The following DRD3 variants were observed in gnomAD, a reference collection of about 807,000 sequenced individuals.
The protein encoded by DRD3 is D(3) dopamine receptor.
In DRD3, 19 loss-of-function variants were observed where a neutral mutation model predicts 36.3. The ratio of observed to expected loss-of-function variants is 0.52; its 90% CI spans 0.36 to 0.77. The LOEUF is 0.77. Among genes scored for constraint, DRD3 ranks in the 30% least tolerant of loss-of-function variants. The pLI is 0.00. For missense variants in DRD3, 465 were observed against 505.3 expected, an observed-to-expected ratio of 0.92 and a Z score of 0.77; for synonymous variants, 195 against 203.7, an observed-to-expected ratio of 0.96 and a Z score of 0.36.
intron 2 of DRD3, among the ~76,000 whole-genome samples, chr3:114,163,228 A>G (rs2077750030): frequency 6.6e-6 from 1 of 152,020 alleles, no homozygotes; most frequent in Non-Finnish European, 1.5e-5. Context: ...CCTGGAGCTT[A>G]CTCATTAAAA....
intron 5 of DRD3, among the ~76,000 whole-genome samples, chr3:114,132,995 C>T (rs1577579167): frequency 1.4e-5 from 2 of 147,348 alleles, no homozygotes; most frequent in East Asian, 3.9e-4. Flanking sequence ...AGTCCGTATT[C>T]TTTTTTTTTT....
At chr3:114,139,028 C>T (rs2077499843) in intron 5 of DRD3, among the ~76,000 whole-genome samples, 1 of 152,200 alleles carries the variant, frequency 6.6e-6, no homozygotes, top group Admixed American at 6.5e-5. Flanking sequence ...GCTTTATCAG[C>T]ACCCTATCCC....
In DRD3 at chr3:114,143,405, C is replaced by T. The variant is rs143912592; in HGVS notation, c.527-3709G>A. Reference sequence around the variant, plus strand: ...CTCATTCTACAAATTTTGTGGAGTACGTACTATGTTTAAAGCACTGTGCTG... The same window carrying T: ...CTCATTCTACAAATTTTGTGGAGTATGTACTATGTTTAAAGCACTGTGCTG... On this transcript the variant is annotated intron_variant, in intron 4 of 6. Transcript: ENST00000383673. 1.3e-4 allele frequency among the ~76,000 whole-genome samples: 20 copies of T among 152,210 alleles called. No individual in the cohort carries two copies. The South Asian group carries it at 1.7e-3, about 13-fold the overall frequency.
At chr3:114,170,373 G>C (rs1420496410) in intron 2 of DRD3, among the ~76,000 whole-genome samples, 1 of 152,134 alleles carries the variant, frequency 6.6e-6, no homozygotes, top group African/African-American at 2.4e-5. Context: ...GTATGTTTAG[G>C]CTACAGGAGA....
chr3:114,169,779 C>G (rs2077822130), intron 2 of DRD3, among the ~76,000 whole-genome samples: 1 of 152,146 alleles, frequency 6.6e-6, no homozygotes, highest in South Asian at 2.1e-4. Flanking sequence ...CCATGGATTT[C>G]TAGTGTGGAA....
intron 5 of DRD3, 102 bp from the exon 6 acceptor site, chr3:114,131,502 C>T: frequency 2.2e-5 from 32 of 1,452,790 alleles, no homozygotes; most frequent in Non-Finnish European, 2.9e-5. Context: ...AAGACGGCAA[C>T]ACAGTTGTGG....
At chr3:114,168,355 A>G (rs1329554029) in intron 2 of DRD3, among the ~76,000 whole-genome samples, 2 of 152,322 alleles carry the variant, frequency 1.3e-5, no homozygotes, top group African/African-American at 4.8e-5. Context: ...GTGAATTCCA[A>G]TAAAGGAAAT....
At chr3:114,160,678 A>G (rs2077724512) in intron 2 of DRD3, among the ~76,000 whole-genome samples, 1 of 152,232 alleles carries the variant, frequency 6.6e-6, no homozygotes, top group Non-Finnish European at 1.5e-5. Context: ...ATTTACCTCC[A>G]AAGTAAAAAT....
At chr3:114,161,479 ATTTC>A (rs2077732461) in intron 2 of DRD3, among the ~76,000 whole-genome samples, 3 of 152,164 alleles carry the variant, frequency 2.0e-5, no homozygotes, top group Admixed American at 1.3e-4. Flanking sequence ...CATTGGATTT[ATTTC>A]TTTTTTTGCA....
intron 1 of DRD3, among the ~76,000 whole-genome samples, chr3:114,177,716 T>C (rs1037998104): frequency 6.6e-6 from 1 of 152,200 alleles, no homozygotes; most frequent in African/African-American, 2.4e-5. Context: ...CCTTGCTCAC[T>C]GCTAGCCATA....
At chr3:114,188,343 C>G (rs576136902) in intron 1 of DRD3, among the ~76,000 whole-genome samples, 1 of 151,610 alleles carries the variant, frequency 6.6e-6, no homozygotes, top group East Asian at 1.9e-4. Flanking sequence ...CCTCAAGTGG[C>G]TGGGACTACG....
chr3:114,185,875 C>T (rs559086053), intron 1 of DRD3, among the ~76,000 whole-genome samples: 2 of 152,248 alleles, frequency 1.3e-5, no homozygotes, highest in Admixed American at 1.3e-4. Context: ...TGGAGTCTCA[C>T]AATGTTGCCC....
At chr3:114,181,944 T>C (rs1441166460), upstream of DRD3, among the ~76,000 whole-genome samples, 1 of 152,180 alleles carries the variant, frequency 6.6e-6, no homozygotes, top group Admixed American at 6.5e-5. Context: ...TGAAGCATTA[T>C]GGGGAGGCAA....
At chr3:114,133,534 A>G (rs1217476846) in intron 5 of DRD3, among the ~76,000 whole-genome samples, 3 of 152,174 alleles carry the variant, frequency 2.0e-5, no homozygotes, top group Non-Finnish European at 2.9e-5. Flanking sequence ...AAAAAAGAAA[A>G]CCCAGGATTT....
At chr3:114,151,168 G>T (rs1312090788) in intron 3 of DRD3, among the ~76,000 whole-genome samples, 4 of 152,154 alleles carry the variant, frequency 2.6e-5, no homozygotes, top group African/African-American at 7.2e-5. Flanking sequence ...TCTCCTCAGA[G>T]CTTTAGACTC....
chr3:114,129,648 G>A (rs996840874), intron 6 of DRD3, among the ~76,000 whole-genome samples: 1 of 152,208 alleles, frequency 6.6e-6, no homozygotes, highest in East Asian at 1.9e-4. Context: ...AGGAGTTCTA[G>A]TAAACTCCCT....
chr3:114,131,184 G>T lies in DRD3; in HGVS notation c.940C>A (p.Pro314Thr), dbSNP rs200135822. ...AGTGGCACTCCCCGAGGTTGCAGGG[G>T]CCCCAGCTTCAAAGATGTCGATAAT... ...GRLSTSLKLG[P>T]LQPRGVPLRE... is the part of the protein sequence containing the mutation. Residue 314 changes from proline (P) to threonine (T), a missense_variant, in exon 6 of 7, where the codon CCC becomes ACC. Physicochemically the swap from Pro to Thr is conservative, Grantham distance 38 (BLOSUM62 -1). Transcript: ENST00000383673. 2.7e-5 allele frequency: 43 copies of T among 1,614,060 alleles called. No individual in the cohort carries two copies. Among genetic ancestry groups the T allele is most frequent in the African/African-American group, 4.0e-5 (3 of 74,912 alleles).
rs1209362835 is a variant in DRD3, at chr3:114,171,733, A to G, written c.260T>C (p.Val87Ala). The change falls in exon 2 of 7, where the codon GTA becomes GCA. Residue 87 changes from valine (V) to alanine (A), a missense_variant. Physicochemically the swap from Val to Ala is moderately conservative, Grantham distance 64. Transcript: ENST00000383673. ...LVATLVMPWV[V>A]YLEVTGGVWN... ...CTGAAGTCTACTCACCTCCAGGTAT[A>G]CCACCCAGGGCATCACCAAGGTGGC... 3 of 1,603,304 alleles carry G rather than the reference A, an allele frequency of 1.9e-6. No homozygotes were observed. Among genetic ancestry groups the G allele is most frequent in the East Asian group, 4.5e-5 (2 of 44,618 alleles).
chr3:114,145,684 T>C (rs2077564202), intron 4 of DRD3, among the ~76,000 whole-genome samples: 1 of 152,182 alleles, frequency 6.6e-6, no homozygotes. Flanking sequence ...ATAAATAAAG[T>C]GAAAATTATA....
Sources: gnomAD v4.1 joint callset for allele counts (sites outside exome capture counted in the v4.1 genomes callset) on GRCh38, gnomAD v4.1.1 for gene constraint, MANE v1.5 for transcripts, NCBI Gene and HGNC (gene_info 2026-07-23, HGNC 2026-07-21) for gene names.